The following FNDC3A variants were observed in gnomAD, a reference collection of about 807,000 sequenced individuals.
The protein encoded by FNDC3A is fibronectin type-III domain-containing protein 3A.
Under a neutral mutation model 148.9 loss-of-function variants are expected in FNDC3A, and 32 were observed. The ratio of observed to expected loss-of-function variants is 0.21; its 90% CI spans 0.16 to 0.29. The LOEUF (loss-of-function observed/expected upper bound fraction) is 0.29. Among genes scored for constraint, FNDC3A ranks in the 10% least tolerant of loss-of-function variants. The pLI is 1.00. For missense variants in FNDC3A, 1,191 were observed against 1,452.8 expected, an observed-to-expected ratio of 0.82 and a Z score of 2.93; for synonymous variants, 472 against 473.6, an observed-to-expected ratio of 1.00 and a Z score of 0.04.
At chr13:49,146,243 C>A (rs2137968918) in intron 8 of FNDC3A, 1 of 222,328 alleles carries the variant, frequency 4.5e-6, no homozygotes, top group Non-Finnish European at 8.7e-6. Context: ...TATGTAGAAC[C>A]CATGACCAAA....
intron 3 of FNDC3A, among the ~76,000 whole-genome samples, chr13:49,113,138 G>T (rs1192898267): frequency 2.2e-5 from 3 of 135,738 alleles, no homozygotes; most frequent in African/African-American, 8.5e-5. Flanking sequence ...CTCCCTTCTT[G>T]TCTTCTCTTC....
intron 8 of FNDC3A, among the ~76,000 whole-genome samples, chr13:49,166,524 C>T (rs1197046494): frequency 1.3e-5 from 2 of 152,138 alleles, no homozygotes; most frequent in South Asian, 2.1e-4. Context: ...TAGGACCCAG[C>T]GTGAACTCCC....
intron 2 of FNDC3A, among the ~76,000 whole-genome samples, chr13:49,038,928 TA>T (rs566593434): frequency 1.7e-3 from 259 of 152,284 alleles, no homozygotes; most frequent in Non-Finnish European, 2.9e-3. Flanking sequence ...AACAAGAAGT[TA>T]GGGGAAAAAT....
Position 49,131,352 on chromosome 13 carries a change from T to C in FNDC3A, c.468T>C (p.Ser156=). The C allele has an allele frequency of 3.7e-6, 6 of 1,612,594 alleles. No homozygotes were observed. The highest frequency in any genetic ancestry group is 5.1e-6 in the Non-Finnish European group (6 of 1,178,610). Residue 156 remains serine, a synonymous_variant, in exon 5 of 26, where the codon TCT becomes TCC. Coordinates refer to ENST00000492622, the MANE Select transcript of FNDC3A (RefSeq NM_001079673.2). The part of the protein sequence containing the change: ...MTTQYMPQYQ[S]SQVYGDVDAH... ...CACAGTATATGCCACAGTATCAGTC[T>C]TCACAAGTCTATGGAGATGTAGGTA... is the stretch of plus-strand genomic sequence containing the variant.
intron 2 of FNDC3A, among the ~76,000 whole-genome samples, chr13:49,062,390 A>G (rs1437368603): frequency 1.3e-5 from 2 of 152,196 alleles, no homozygotes; most frequent in Non-Finnish European, 2.9e-5. Context: ...CCTGAAGGTT[A>G]ACAGTTGAAC....
intron 2 of FNDC3A, among the ~76,000 whole-genome samples, chr13:49,011,388 C>T (rs1952341820): frequency 6.6e-6 from 1 of 152,096 alleles, no homozygotes; most frequent in Non-Finnish European, 1.5e-5. Flanking sequence ...CGTGCACCAC[C>T]ACACCAGGCT....
chr13:49,112,686 T>C (rs1284850776), intron 3 of FNDC3A, among the ~76,000 whole-genome samples: 1 of 152,154 alleles, frequency 6.6e-6, no homozygotes, highest in East Asian at 1.9e-4. Flanking sequence ...TACCTGGTTT[T>C]GAATCCCACT....
At chr13:49,046,727 G>A (rs902890372) in intron 2 of FNDC3A, 1 of 152,310 alleles carries the variant, frequency 6.6e-6, no homozygotes, top group Non-Finnish European at 1.5e-5. Flanking sequence ...ACACCTAATG[G>A]TGTAGTAATA....
intron 14 of FNDC3A, among the ~76,000 whole-genome samples, 169 bp from the exon 15 acceptor site, chr13:49,185,795 C>G (rs1305042297): frequency 3.3e-5 from 5 of 152,150 alleles, no homozygotes; most frequent in Non-Finnish European, 7.4e-5. Context: ...TTCATATATG[C>G]CAAGTATCTA....
intron 3 of FNDC3A, among the ~76,000 whole-genome samples, chr13:49,102,832 TA>T (rs1274979441): frequency 1.3e-5 from 2 of 152,230 alleles, no homozygotes; most frequent in African/African-American, 2.4e-5. Flanking sequence ...TTAGCAAACT[TA>T]AAAATGTACC....
At chr13:49,172,209 G>A (rs1884789693) in intron 11 of FNDC3A, 113 bp downstream of exon 11, 1 of 636,676 alleles carries the variant, frequency 1.6e-6, no homozygotes, top group Admixed American at 3.2e-5. Context: ...AAAAAAGTAT[G>A]AATGATTTTG....
Position 49,198,548 on chromosome 13 carries a change from C to T in FNDC3A, c.2961C>T (p.His987=). 6.2e-7 allele frequency: 1 copy of T among 1,613,718 alleles called. No individual in the cohort carries two copies. Among genetic ancestry groups the T allele is most frequent in the South Asian group, 1.1e-5 (1 of 91,068 alleles). Residue 987 remains histidine, a synonymous_variant, in exon 23 of 26, where the codon CAC becomes CAT. Coordinates refer to ENST00000492622, the MANE Select transcript of FNDC3A (RefSeq NM_001079673.2). ...TGTCAACCGATTCTATTCAGTACCA[C>T]CTTCAGATGGAGGATAAGAATGGAC... The part of the protein sequence containing the change: ...KTLSTDSIQY[H]LQMEDKNGRF...
chr13:49,128,571 A>G (rs997475877), intron 4 of FNDC3A, among the ~76,000 whole-genome samples: 2 of 152,160 alleles, frequency 1.3e-5, no homozygotes, highest in Non-Finnish European at 2.9e-5. Context: ...TAGGAGTCAG[A>G]AACACTAGAT....
intron 2 of FNDC3A, among the ~76,000 whole-genome samples, chr13:49,054,272 T>C (rs939818886): frequency 2.0e-5 from 3 of 152,244 alleles, no homozygotes; most frequent in Admixed American, 2.0e-4. Context: ...TTATAAACTT[T>C]AATAGTTCAT....
At chr13:49,040,583 T>C (rs1482116502) in intron 2 of FNDC3A, among the ~76,000 whole-genome samples, 1 of 152,190 alleles carries the variant, frequency 6.6e-6, no homozygotes, top group Admixed American at 6.5e-5. Flanking sequence ...TTTAAAATAG[T>C]TGGGAGTTGG....
intron 1 of FNDC3A, among the ~76,000 whole-genome samples, chr13:48,984,197 A>T (rs1481706861): frequency 6.6e-6 from 1 of 152,194 alleles, no homozygotes; most frequent in Non-Finnish European, 1.5e-5. Flanking sequence ...ATGTGAATGG[A>T]TGGAGGAGTA....
intron 2 of FNDC3A, among the ~76,000 whole-genome samples, chr13:49,054,096 T>C (rs1876053203): frequency 6.6e-6 from 1 of 151,818 alleles, no homozygotes; most frequent in African/African-American, 2.4e-5. Flanking sequence ...GGGAGGAGAG[T>C]ATAATGAGGC....
chr13:49,084,412 A>C (rs1159706461), intron 3 of FNDC3A, among the ~76,000 whole-genome samples: 2 of 152,184 alleles, frequency 1.3e-5, no homozygotes, highest in African/African-American at 4.8e-5. Flanking sequence ...TATACTTTTC[A>C]TACTTGGGGA....
Position 49,134,608 on chromosome 13 carries a change from A to G in FNDC3A, c.491-1724A>G, listed in dbSNP as rs529363204. Among the ~76,000 whole-genome samples the G allele has an allele frequency of 1.4e-4, 22 of 152,088 alleles. No homozygotes were observed. In the South Asian group the frequency reaches 4.6e-3, roughly 32 times the overall value. On this transcript the variant is annotated intron_variant, in intron 5 of 25. Coordinates refer to ENST00000492622, the MANE Select transcript of FNDC3A (RefSeq NM_001079673.2). ...TATATTACTTTTCCACAGTGACTAC[A>G]CCATTTTATATTCCTACCAGCAATG...
Sources: allele counts gnomAD v4.1 joint callset (sites outside exome capture counted in the v4.1 genomes callset), GRCh38; gene constraint gnomAD v4.1.1; transcripts MANE v1.5; gene names NCBI Gene and HGNC (gene_info 2026-07-23, HGNC 2026-07-21).